Variants in PPP2R5E observed in about 807,000 individuals in gnomAD.
PPP2R5E encodes the protein protein phosphatase 2 regulatory subunit B'epsilon.
PPP2R5E carries 4 observed loss-of-function variants against 65.3 expected under a neutral mutation model. The ratio of observed to expected loss-of-function variants is 0.06; its 90% CI spans 0.03 to 0.14. The LOEUF is 0.14. Among genes scored for constraint, PPP2R5E ranks in the 10% least tolerant of loss-of-function variants. PPP2R5E has a pLI of 1.00. For missense variants in PPP2R5E, 274 were observed against 556.1 expected (o/e 0.49, Z 5.10); for synonymous variants, 183 against 187.4 (o/e 0.98, Z 0.19).
At chr14:63,538,682 C>A (rs1893771219) in intron 2 of PPP2R5E, among the ~76,000 whole-genome samples, 1 of 151,990 alleles carries the variant, frequency 6.6e-6, no homozygotes, top group Admixed American at 6.5e-5. Context: ...CGGTGGCTCA[C>A]ACCTGTAATC....
At chr14:63,425,573 T>G (rs1415558745) in intron 3 of PPP2R5E, among the ~76,000 whole-genome samples, 10 of 152,234 alleles carry the variant, frequency 6.6e-5, no homozygotes, top group Admixed American at 6.5e-4. Context: ...TCTTCCTTTG[T>G]ACTCCTGGGC....
chr14:63,395,088 A>G (rs3783744), intron 7 of PPP2R5E, 138 bp downstream of exon 7: 14,634 of 659,058 alleles, frequency 0.022, 536 homozygotes, highest in East Asian at 0.12. Context: ...CAGCTGGAAA[A>G]TATGCTAATA....
chr14:63,405,688 A>T (rs1886031465), intron 5 of PPP2R5E, among the ~76,000 whole-genome samples: 1 of 152,216 alleles, frequency 6.6e-6, no homozygotes, highest in South Asian at 2.1e-4. Flanking sequence ...CCACCCAATG[A>T]AATAATCGAA....
chr14:63,427,900 G>C (rs1887428896), intron 3 of PPP2R5E, among the ~76,000 whole-genome samples: 1 of 152,132 alleles, frequency 6.6e-6, no homozygotes, highest in African/African-American at 2.4e-5. Flanking sequence ...AAAGTTCCCA[G>C]GGTTCCTTCT....
chr14:63,465,489 G>C (rs903103545), intron 2 of PPP2R5E, among the ~76,000 whole-genome samples: 2 of 142,706 alleles, frequency 1.4e-5, no homozygotes, highest in Admixed American at 7.0e-5. Flanking sequence ...ACTAACAAAA[G>C]ATTAGCCAGG....
intron 2 of PPP2R5E, among the ~76,000 whole-genome samples, chr14:63,469,710 G>T (rs1890022434): frequency 6.6e-6 from 1 of 152,110 alleles, no homozygotes; most frequent in Non-Finnish European, 1.5e-5. Flanking sequence ...ATCAAGTAAA[G>T]TATCTGAATT....
At chr14:63,466,578 G>C (rs1889812425) in intron 2 of PPP2R5E, among the ~76,000 whole-genome samples, 1 of 152,188 alleles carries the variant, frequency 6.6e-6, no homozygotes, top group African/African-American at 2.4e-5. Flanking sequence ...AATTAATATA[G>C]TTAAATACAA....
chr14:63,540,932 T>A (rs971317514), intron 1 of PPP2R5E, among the ~76,000 whole-genome samples: 2 of 152,324 alleles, frequency 1.3e-5, no homozygotes, highest in East Asian at 1.9e-4. Context: ...GCTCTTCACA[T>A]CTTCAAGTAA....
chr14:63,392,838 G>C (rs937060877), intron 8 of PPP2R5E, among the ~76,000 whole-genome samples: 1 of 152,216 alleles, frequency 6.6e-6, no homozygotes, highest in Non-Finnish European at 1.5e-5. Context: ...GGGGAAGAGG[G>C]AGTCAGAGTC....
chr14:63,461,847 T>TACACAC (rs10695748), intron 2 of PPP2R5E, among the ~76,000 whole-genome samples: 2,963 of 150,914 alleles, frequency 0.02, 88 homozygotes, highest in African/African-American at 0.068. Flanking sequence ...CCCTCACACA[T>TACACAC]ACACACACAC....
At chr14:63,466,955 A>G (rs1160327760) in intron 2 of PPP2R5E, among the ~76,000 whole-genome samples, 2 of 152,166 alleles carry the variant, frequency 1.3e-5, no homozygotes, top group Admixed American at 6.5e-5. Flanking sequence ...GGCCGGGTGC[A>G]GTGGCTCACG....
intron 2 of PPP2R5E, among the ~76,000 whole-genome samples, chr14:63,477,043 T>C (rs74978890): frequency 6.6e-6 from 1 of 152,204 alleles, no homozygotes; most frequent in East Asian, 1.9e-4. Context: ...ACACCTCCCA[T>C]TTAATTAGTG....
rs748146106 is a variant in PPP2R5E, at chr14:63,520,859, C to CAAAAAAAAAAAAA, written c.157+18657_157+18669dup. ...TGAAACCTCATCTCTACTAAAAATA[C>CAAAAAAAAAAAAA]AAAAAAAAAAAAAAAAAAAAAAAAA... is the stretch of plus-strand genomic sequence containing the variant. On this transcript the variant is annotated intron_variant, in intron 2 of 13. Coordinates refer to ENST00000337537, the MANE Select transcript of PPP2R5E (RefSeq NM_006246.5). Among the ~76,000 whole-genome samples, 43 of 58,506 alleles carry CAAAAAAAAAAAAA rather than the reference C, an allele frequency of 7.3e-4. 1 individual carries two copies. The highest frequency in any genetic ancestry group is 1.5e-3 in the East Asian group (1 of 668). The allele number at this position is 58,506 out of a possible 152,430, so 38.4% of individuals were successfully genotyped here.
intron 3 of PPP2R5E, among the ~76,000 whole-genome samples, chr14:63,449,205 A>T (rs531437735): frequency 4.7e-4 from 72 of 152,334 alleles, no homozygotes; most frequent in Admixed American, 7.8e-4. Flanking sequence ...ACGAAAGAGA[A>T]ATCAGCGGGG....
intron 2 of PPP2R5E, among the ~76,000 whole-genome samples, chr14:63,481,893 C>G (rs1042834149): frequency 6.6e-6 from 1 of 152,064 alleles, no homozygotes; most frequent in African/African-American, 2.4e-5. Context: ...GGAGTGAGTA[C>G]AATGGAAATA....
chr14:63,393,028 AT>A (rs1885112413), intron 8 of PPP2R5E, among the ~76,000 whole-genome samples: 3 of 152,214 alleles, frequency 2.0e-5, no homozygotes, highest in African/African-American at 7.2e-5. Context: ...GAAAATACTG[AT>A]TGATTTGTTT....
At chr14:63,453,914 T>A in intron 2 of PPP2R5E, 29 bp from the exon 3 acceptor site, 1 of 1,410,166 alleles carries the variant, frequency 7.1e-7, no homozygotes, top group Non-Finnish European at 9.4e-7. Flanking sequence ...ATGGTGTAAG[T>A]CTGTCATCAA....
chr14:63,407,888 G>A (rs1052451684), intron 5 of PPP2R5E, among the ~76,000 whole-genome samples: 1 of 152,188 alleles, frequency 6.6e-6, no homozygotes, highest in Non-Finnish European at 1.5e-5. Flanking sequence ...CCAGTAAGAT[G>A]ACACTCGTTA....
intron 13 of PPP2R5E, among the ~76,000 whole-genome samples, chr14:63,379,834 T>C (rs200962918): frequency 5.4e-4 from 61 of 112,890 alleles, no homozygotes; most frequent in East Asian, 2.4e-3. Context: ...CTCTTTTTTT[T>C]TTTTTTTTTT....
Sources: gnomAD v4.1 joint callset for allele counts (sites outside exome capture counted in the v4.1 genomes callset) on GRCh38, gnomAD v4.1.1 for gene constraint, MANE v1.5 for transcripts, NCBI Gene and HGNC (gene_info 2026-07-23, HGNC 2026-07-21) for gene names.